The following RREB1 variants were observed in gnomAD, a reference collection of about 807,000 sequenced individuals.
The protein encoded by RREB1 is ras responsive element binding protein 1.
RREB1 carries 27 observed loss-of-function variants against 117.8 expected under a neutral mutation model. The ratio of observed to expected loss-of-function variants is 0.23; its 90% CI spans 0.17 to 0.32. The LOEUF (loss-of-function observed/expected upper bound fraction) is 0.32, where lower values mean the gene tolerates loss of function less well. Among genes scored for constraint, RREB1 ranks in the 10% least tolerant of loss-of-function variants. The pLI, the probability that RREB1 is intolerant of heterozygous loss-of-function variation, is 1.00. For missense variants in RREB1, 2,577 were observed against 2,378.2 expected (o/e 1.08, Z -1.74); for synonymous variants, 1,298 against 1,026.7 (o/e 1.26, Z -5.05).
intron 1 of RREB1, among the ~76,000 whole-genome samples, chr6:7,130,547 G>A (rs551073671): frequency 1.4e-4 from 21 of 152,136 alleles, no homozygotes; most frequent in Non-Finnish European, 2.5e-4. Context: ...TTTCTCTATA[G>A]CTTTAGTCAT....
rs1763885879 is a variant in RREB1, at chr6:7,165,447, AT to A, written c.-284-11207del. On this transcript the variant is annotated intron_variant, in intron 1 of 12. Transcript: ENST00000379938. ...GAGCAAGACATGCCTCATTTTTATG[AT>A]CACAAGCGTGTTGAAGAATTCTGAG... is the stretch of plus-strand genomic sequence containing the variant. Among the ~76,000 whole-genome samples the A allele has an allele frequency of 2.0e-5, 3 of 152,236 alleles. No individual in the cohort carries two copies. The South Asian group carries it at 6.2e-4, about 32-fold the overall frequency.
At position 7,114,266 on chromosome 6, in the gene RREB1, C is replaced by T. The variant is rs9505040; in HGVS notation, c.-285+6206C>T. Among the ~76,000 whole-genome samples the T allele has an allele frequency of 4.4e-3, 675 of 152,252 alleles. 5 individuals are homozygous for T. Among genetic ancestry groups the T allele is most frequent in the Middle Eastern group, 0.017 (5 of 294 alleles). ...TCTCCTGAGCAGGTGGGACTACAGG[C>T]ACACACCACCACGCCCAGCTAATTT... On this transcript the variant is annotated intron_variant, in intron 1 of 12. Transcript: ENST00000379938.
At chr6:7,167,756 A>G (rs1011432329) in intron 1 of RREB1, among the ~76,000 whole-genome samples, 1 of 152,214 alleles carries the variant, frequency 6.6e-6, no homozygotes, top group Non-Finnish European at 1.5e-5. Flanking sequence ...ACTACCTGGA[A>G]TGTTGGAGGA....
At chr6:7,134,995 A>G (rs1762291625) in intron 1 of RREB1, among the ~76,000 whole-genome samples, 2 of 152,212 alleles carry the variant, frequency 1.3e-5, no homozygotes, top group Non-Finnish European at 2.9e-5. Flanking sequence ...TGGGAAAGAG[A>G]ATGCAATCAG....
At chr6:7,196,229 T>G (rs1304306391) in intron 6 of RREB1, among the ~76,000 whole-genome samples, 52 of 145,950 alleles carry the variant, frequency 3.6e-4, no homozygotes, top group African/African-American at 6.8e-4. Context: ...TTTTTTTTTT[T>G]TGTTTTTTTT....
At chr6:7,200,094 A>T (rs1765867631) in intron 6 of RREB1, among the ~76,000 whole-genome samples, 2 of 151,992 alleles carry the variant, frequency 1.3e-5, no homozygotes, top group East Asian at 3.9e-4. Flanking sequence ...TATTTGCTAG[A>T]CTTGACCTTC....
At chr6:7,109,427 C>T (rs1258585546) in intron 1 of RREB1, among the ~76,000 whole-genome samples, 1 of 150,068 alleles carries the variant, frequency 6.7e-6, no homozygotes, top group Non-Finnish European at 1.5e-5. Context: ...GGGCCAAGGG[C>T]GCGTCGAGGA....
In RREB1 at chr6:7,231,405, C is replaced by G. The variant is rs774802617; in HGVS notation, c.3306C>G (p.Asp1102Glu). The G allele has an allele frequency of 2.5e-6, 4 of 1,613,496 alleles. No individual in the cohort carries two copies. The highest frequency in any genetic ancestry group is 2.2e-5 in the South Asian group (2 of 91,076). Residue 1102 changes from aspartate to glutamate, a missense_variant, in exon 10 of 13, where the codon GAC (aspartate) becomes GAG (glutamate). Asp to Glu is a conservative substitution (Grantham distance 45). Coordinates refer to ENST00000379938, the MANE Select transcript of RREB1 (RefSeq NM_001003699.4). Reference sequence around the variant, plus strand: ...CTGGCAGTAACACCACGGCTTCAGACAGCTTAGGAGGTTCTGTCCCCAAAG... The same window carrying G: ...CTGGCAGTAACACCACGGCTTCAGAGAGCTTAGGAGGTTCTGTCCCCAAAG... ...ASTGSNTTAS[D>E]SLGGSVPKAA...
intron 4 of RREB1, chr6:7,183,496 G>A (rs966683795): frequency 2.0e-5 from 3 of 152,248 alleles, no homozygotes; most frequent in Non-Finnish European, 4.4e-5. Context: ...CCAGGAACAA[G>A]TGAAGTGATA....
intron 1 of RREB1, among the ~76,000 whole-genome samples, chr6:7,117,877 C>G (rs1448896090): frequency 6.6e-6 from 1 of 151,730 alleles, no homozygotes; most frequent in African/African-American, 2.4e-5. Flanking sequence ...AGCCACTGAG[C>G]CTGACATGAA....
At position 7,249,276 on chromosome 6, in the gene RREB1, A is replaced by G. The variant is rs1245369202; in HGVS notation, c.*308A>G. 1 of 351,888 alleles carries G rather than the reference A, an allele frequency of 2.8e-6. No homozygotes were observed. The highest frequency in any genetic ancestry group is 5.2e-6 in the Non-Finnish European group (1 of 193,960). The allele number at this position is 351,888 out of a possible 1,614,324, so 21.8% of individuals were successfully genotyped here. ...TTAAACAAAACAAATATTATAATGA[A>G]TTGTCTGGAGAGGACCTCTTCATTT... On this transcript the variant is annotated 3_prime_UTR_variant, in exon 13 of 13. Coordinates refer to ENST00000379938, the MANE Select transcript of RREB1 (RefSeq NM_001003699.4).
At chr6:7,149,869 AGTAGAGACGGG>A (rs1271460595) in intron 1 of RREB1, among the ~76,000 whole-genome samples, 1 of 151,962 alleles carries the variant, frequency 6.6e-6, no homozygotes. Context: ...TTGTATTTTT[AGTAGAGACGGG>A]GTTTCACCAT....
At chr6:7,143,237 T>G (rs972769672) in intron 1 of RREB1, among the ~76,000 whole-genome samples, 6 of 152,242 alleles carry the variant, frequency 3.9e-5, no homozygotes, top group African/African-American at 1.4e-4. Flanking sequence ...CCTTCAGCAC[T>G]GGCAGGTGTA....
At chr6:7,220,727 T>C (rs9379082) in intron 8 of RREB1, among the ~76,000 whole-genome samples, 15,767 of 152,188 alleles carry the variant, frequency 0.1, 1,642 homozygotes, top group African/African-American at 0.25. Flanking sequence ...CCCTCCCCTC[T>C]CCTGTGGCTC....
At chr6:7,200,272 G>GTC (rs1765890699) in intron 6 of RREB1, among the ~76,000 whole-genome samples, 1 of 119,486 alleles carries the variant, frequency 8.4e-6, no homozygotes, top group Non-Finnish European at 1.6e-5. Flanking sequence ...GTGTGTGTGT[G>GTC]TGTGTGTGTA....
chr6:7,172,030 C>T (rs1315881386), intron 1 of RREB1, among the ~76,000 whole-genome samples: 2 of 151,384 alleles, frequency 1.3e-5, no homozygotes, highest in Non-Finnish European at 2.9e-5. Context: ...AGTGCAGCTT[C>T]GCACTCCTGG....
chr6:7,185,581 A>G (rs148839191), intron 4 of RREB1, among the ~76,000 whole-genome samples: 80 of 152,090 alleles, frequency 5.3e-4, no homozygotes, highest in Middle Eastern at 3.4e-3. Context: ...AAAAAAAAAG[A>G]AAAAGTTCCT....
chr6:7,187,600 A>G lies in RREB1; in HGVS notation c.261+77A>G, dbSNP rs553597710. On this transcript the variant is annotated intron_variant, in intron 5 of 12. Transcript: ENST00000379938. Reference sequence around the variant, plus strand: ...ATTTTATTTTATTTTAGTCAAGTGCAGTAATGAGAAGAGGGGGAAGAGTAG... The same window carrying G: ...ATTTTATTTTATTTTAGTCAAGTGCGGTAATGAGAAGAGGGGGAAGAGTAG... 2.1e-5 allele frequency: 14 copies of G among 672,262 alleles called. No individual in the cohort carries two copies. In the South Asian group the frequency reaches 7.3e-4, roughly 35 times the overall value. 41.6% of individuals were successfully genotyped at this position (672,262 alleles called of 1,614,324 possible). A position where few individuals can be genotyped will look rare whatever the true frequency, so the allele number is the denominator to read the frequency against.
chr6:7,221,325 C>T (rs1000620308), intron 8 of RREB1, among the ~76,000 whole-genome samples: 10 of 152,200 alleles, frequency 6.6e-5, no homozygotes, highest in Non-Finnish European at 8.8e-5. Context: ...CCCGCCACTG[C>T]GCCCGGCTAA....
Sources: allele counts gnomAD v4.1 joint callset (sites outside exome capture counted in the v4.1 genomes callset), GRCh38; gene constraint gnomAD v4.1.1; transcripts MANE v1.5; gene names NCBI Gene and HGNC (gene_info 2026-07-23, HGNC 2026-07-21).